The following NME3 variants were observed in gnomAD, a reference collection of about 807,000 sequenced individuals.
NME3 encodes the protein NME/NM23 nucleoside diphosphate kinase 3.
In NME3, 23 loss-of-function variants were observed where a neutral mutation model predicts 15.8. The observed-to-expected ratio is 1.45, with a 90% CI of 1.05 to 2.06. The LOEUF is 2.06. NME3 is among the 30% of genes most tolerant of loss of function. NME3 has a pLI of 0.00. For synonymous variants in NME3, 157 were observed against 104.4 expected, an observed-to-expected ratio of 1.50 and a Z score of -3.07; for missense variants, 354 against 243.2, an observed-to-expected ratio of 1.46 and a Z score of -3.03.
At position 1,771,370 on chromosome 16, in the gene NME3, C is replaced by T. The variant is rs1337799023; in HGVS notation, c.87G>A (p.Lys29=). 1 of 1,575,762 alleles carries T rather than the reference C, an allele frequency of 6.3e-7. No individual in the cohort carries two copies. Among genetic ancestry groups the T allele is most frequent in the Admixed American group, 1.8e-5 (1 of 55,606 alleles). ...GAHERTFLAV[K]PDGVQRRLVG... is the part of the protein sequence containing the mutation. ...CCAGCCGCCGCTGCACGCCGTCCGG[C>T]TTCACGGCCAGGAAGGTGCGTTCGT... Residue 29 remains lysine, a synonymous_variant, in exon 2 of 5, where the codon AAG becomes AAA. Coordinates refer to ENST00000219302, the MANE Select transcript of NME3 (RefSeq NM_002513.3).
In NME3 at chr16:1,770,660, G is replaced by C. The variant is rs756127146; in HGVS notation, c.499C>G (p.Leu167Val). 1 of 1,581,082 alleles carries C rather than the reference G, an allele frequency of 6.3e-7. No homozygotes were observed. Among genetic ancestry groups the C allele is most frequent in the African/African-American group, 1.3e-5 (1 of 74,314 alleles). The change falls in exon 5 of 5, where the codon CTG becomes GTG. Residue 167 changes from leucine (L) to valine (V), a missense_variant. Leu to Val is a conservative substitution (Grantham distance 32). Transcript: ENST00000219302. ...LCWEDSAGHW[L>V]YE ...GCGCATCTGCCGGGCTACTCATACAGCCAGTGCCCAGCGCTGTCCTCCCAG... is the reference window on the plus strand; with the variant it reads ...GCGCATCTGCCGGGCTACTCATACACCCAGTGCCCAGCGCTGTCCTCCCAG...
rs1016897738 is a variant in NME3 at position 1,771,122 on chromosome 16, G to A, written c.227C>T (p.Pro76Leu). ...ATACTTGACAAGGCGGCCGTAGAAC[G>A]GGCGTTCACGCAGCTCGGCGTAGTG... ...REHYAELRER[P>L]FYGRLVKYMA... is the part of the protein sequence containing the mutation. Residue 76 changes from proline (P) to leucine (L), a missense_variant, in exon 3 of 5, where the codon CCG becomes CTG. By Grantham distance (98) the Pro-to-Leu change is moderately conservative. Coordinates refer to ENST00000219302, the MANE Select transcript of NME3 (RefSeq NM_002513.3). 3.1e-6 allele frequency: 5 copies of A among 1,609,458 alleles called. No homozygotes were observed. The highest frequency in any genetic ancestry group is 4.2e-6 in the Non-Finnish European group (5 of 1,179,146).
intron 3 of NME3, 35 bp from the exon 4 acceptor site, chr16:1,771,028 G>C: frequency 3.8e-6 from 6 of 1,595,130 alleles, no homozygotes; most frequent in African/African-American, 2.7e-5. Context: ...TCACGCGGGG[G>C]TGGGGGTCCC....
At position 1,771,305 on chromosome 16, in the gene NME3, T is replaced by C. The variant is rs202165010; in HGVS notation, c.152A>G (p.Lys51Arg). The C allele has an allele frequency of 4.1e-4, 663 of 1,606,122 alleles. 2 individuals carry two copies. The East Asian group carries it at 0.013, about 31-fold the overall frequency. Residue 51 changes from lysine (K) to arginine (R), a missense_variant, in exon 2 of 5, where the codon AAG (lysine) becomes AGG (arginine). By Grantham distance (26) the Lys-to-Arg change is conservative. Transcript: ENST00000219302. ...CTGCACCAGCTTCAGCGCCACCAAC[T>C]TGAAGCCCTTCCTCTCGAAGCGCCG... ...IVRRFERKGF[K>R]LVALKLVQAS...
At position 1,771,328 on chromosome 16, in the gene NME3, C is replaced by T; in HGVS notation, c.129G>A (p.Arg43=). 6.2e-7 allele frequency: 1 copy of T among 1,603,426 alleles called. No homozygotes were observed. The highest frequency in any genetic ancestry group is 8.5e-7 in the Non-Finnish European group (1 of 1,176,444). The part of the protein sequence containing the change: ...VQRRLVGEIV[R]RFERKGFKLV... ...ACTTGAAGCCCTTCCTCTCGAAGCG[C>T]CGCACAATCTCGCCCACCAGCCGCC... is the stretch of plus-strand genomic sequence containing the variant. Residue 43 remains arginine, a synonymous_variant, in exon 2 of 5, where the codon CGG becomes CGA. Coordinates refer to ENST00000219302, the MANE Select transcript of NME3 (RefSeq NM_002513.3).
Position 1,770,470 on chromosome 16 carries a change from C to A in NME3, c.*179G>T, listed in dbSNP as rs1378094994. On this transcript the variant is annotated 3_prime_UTR_variant, in exon 5 of 5. Transcript: ENST00000219302. ...GGAGCAGCTCCTCGGGCAGGAAACC[C>A]TGTACGCCAGGGATTGGAGAGGCCT... The A allele has an allele frequency of 2.0e-6, 1 of 496,704 alleles. No individual in the cohort carries two copies. Among genetic ancestry groups the A allele is most frequent in the East Asian group, 3.3e-5 (1 of 30,042 alleles). 30.8% of individuals were successfully genotyped at this position (496,704 alleles called of 1,614,324 possible).
At chr16:1,771,031 G>A (rs1266586014) in intron 3 of NME3, 38 bp from the exon 4 acceptor site, 2 of 1,594,898 alleles carry the variant, frequency 1.3e-6, no homozygotes, top group Non-Finnish European at 1.7e-6. Flanking sequence ...CGCGGGGGTG[G>A]GGGTCCCGGA....
In NME3 at chr16:1,771,285, CCAGCTT is replaced by C. The variant is rs758443202; in HGVS notation, c.166_171del (p.Lys56_Leu57del). ...CTCGCTCACCGCGCCCCCACCTGCA[CCAGCTT>C]CAGCGCCACCAACTTGAAGCCCTTC... On this transcript the variant is annotated inframe_deletion, in exon 2 of 5. Transcript: ENST00000219302. The C allele has an allele frequency of 7.5e-6, 12 of 1,603,524 alleles. No individual in the cohort carries two copies. The highest frequency in any genetic ancestry group is 6.7e-5 in the Admixed American group (4 of 59,710).
chr16:1,770,647 G>T lies in NME3; in HGVS notation c.*2C>A. ...GAGCCTCTGTGACGCGCATCTGCCG[G>T]GCTACTCATACAGCCAGTGCCCAGC... On this transcript the variant is annotated 3_prime_UTR_variant, in exon 5 of 5. Coordinates refer to ENST00000219302, the MANE Select transcript of NME3 (RefSeq NM_002513.3). The T allele has an allele frequency of 6.4e-7, 1 of 1,572,488 alleles. No homozygotes were observed.
chr16:1,770,845 G>A, intron 4 of NME3, 36 bp downstream of exon 4: 5 of 1,568,602 alleles, frequency 3.2e-6, no homozygotes, highest in Non-Finnish European at 4.3e-6. Flanking sequence ...GGGGGAGGCC[G>A]GACGGGGCTG....
In NME3 at chr16:1,771,501, G is replaced by A. The variant is rs539076231; in HGVS notation, c.34C>T (p.Leu12Phe). 295 of 1,308,320 alleles carry A rather than the reference G, an allele frequency of 2.3e-4. 6 individuals carry two copies. In the South Asian group the frequency reaches 6.8e-3, roughly 30 times the overall value. The allele number at this position is 1,308,320 out of a possible 1,614,324, so 81.0% of individuals were successfully genotyped here. Residue 12 changes from leucine to phenylalanine, a missense_variant, in exon 1 of 5, where the codon CTC becomes TTC. By Grantham distance (22) the Leu-to-Phe change is conservative (BLOSUM62 0). Transcript: ENST00000219302. ...CCGCGCGGCTCACCCGCGGGGAAGA[G>A]GTTAGCGAAGATGGTCAGCACCAGG... ...ICLVLTIFAN[L>F]FPAACTGAHE...
At position 1,770,491 on chromosome 16, in the gene NME3, G is replaced by A; in HGVS notation, c.*158C>T. The A allele has an allele frequency of 3.4e-6, 2 of 585,530 alleles. No homozygotes were observed. The highest frequency in any genetic ancestry group is 5.8e-6 in the Non-Finnish European group (2 of 344,110). 36.3% of individuals were successfully genotyped at this position (585,530 alleles called of 1,614,324 possible). On this transcript the variant is annotated 3_prime_UTR_variant, in exon 5 of 5. Coordinates refer to ENST00000219302, the MANE Select transcript of NME3 (RefSeq NM_002513.3). ...AACCCTGTACGCCAGGGATTGGAGA[G>A]GCCTGCGCCACCCTCCATGCAACGT...
In NME3 at chr16:1,770,727, G is replaced by A. The variant is rs1444309529; in HGVS notation, c.432C>T (p.Arg144=). Residue 144 remains arginine (R), a synonymous_variant, in exon 5 of 5, where the codon CGC becomes CGT. Transcript: ENST00000219302. ...CGCGGAACCAGAGAGCGATCTCGCG[G>A]CGGGCACTCTCCACCGAGTCGCTGC... ...IHGSDSVESA[R]REIALWFRAD... The A allele has an allele frequency of 1.3e-6, 2 of 1,594,710 alleles. No homozygotes were observed.
Position 1,770,550 on chromosome 16 carries a change from G to A in NME3, c.*99C>T, listed in dbSNP as rs2042559353. 4.5e-6 allele frequency: 4 copies of A among 897,666 alleles called. No homozygotes were observed. Among genetic ancestry groups the A allele is most frequent in the Non-Finnish European group, 4.9e-6 (3 of 606,890 alleles). The allele number at this position is 897,666 out of a possible 1,614,324, so 55.6% of individuals were successfully genotyped here. On this transcript the variant is annotated 3_prime_UTR_variant, in exon 5 of 5. Transcript: ENST00000219302. ...GTGGATGTTCAGCAGCCCGTCCAAA[G>A]GGATGCTCCAAGCGCTGTGGGGTGG...
At position 1,771,283 on chromosome 16, in the gene NME3, C is replaced by T. The variant is rs1278029275; in HGVS notation, c.174G>A (p.Val58=). Residue 58 remains valine, a synonymous_variant, in exon 2 of 5, where the codon GTG becomes GTA. Coordinates refer to ENST00000219302, the MANE Select transcript of NME3 (RefSeq NM_002513.3). ...KGFKLVALKL[V]QASEELLREH... is the part of the protein sequence containing the mutation. The stretch of plus-strand genomic sequence containing the variant: ...CGCTCGCTCACCGCGCCCCCACCTG[C>T]ACCAGCTTCAGCGCCACCAACTTGA... The T allele has an allele frequency of 6.2e-7, 1 of 1,602,998 alleles. No homozygotes were observed. The highest frequency in any genetic ancestry group is 1.1e-5 in the South Asian group (1 of 90,136).
rs1228267136 is a variant in NME3, at chr16:1,771,312, C to G, written c.145G>C (p.Gly49Arg). ...GEIVRRFERK[G>R]FKLVALKLVQ... ...AGCTTCAGCGCCACCAACTTGAAGC[C>G]CTTCCTCTCGAAGCGCCGCACAATC... The change falls in exon 2 of 5, where the codon GGC becomes CGC. Residue 49 changes from glycine (G) to arginine (R), a missense_variant. By Grantham distance (125) the Gly-to-Arg change is moderately radical. Coordinates refer to ENST00000219302, the MANE Select transcript of NME3 (RefSeq NM_002513.3). The G allele has an allele frequency of 6.2e-7, 1 of 1,606,428 alleles. No individual in the cohort carries two copies. Among genetic ancestry groups the G allele is most frequent in the Admixed American group, 1.7e-5 (1 of 59,774 alleles).
At position 1,770,626 on chromosome 16, in the gene NME3, C is replaced by T. The variant is rs1596835169; in HGVS notation, c.*23G>A. 1 of 1,544,740 alleles carries T rather than the reference C, an allele frequency of 6.5e-7. No homozygotes were observed. Among genetic ancestry groups the T allele is most frequent in the African/African-American group, 1.4e-5 (1 of 73,860 alleles). ...CTGGAGGAGGCTGGAGTGTGAGAGCCTCTGTGACGCGCATCTGCCGGGCTA... is the reference window on the plus strand; with the variant it reads ...CTGGAGGAGGCTGGAGTGTGAGAGCTTCTGTGACGCGCATCTGCCGGGCTA... On this transcript the variant is annotated 3_prime_UTR_variant, in exon 5 of 5. Transcript: ENST00000219302.
Position 1,770,564 on chromosome 16 carries a change from G to T in NME3, c.*85C>A. ...GCCCGTCCAAAGGGATGCTCCAAGC[G>T]CTGTGGGGTGGGGCCAGAAGCCCGC... On this transcript the variant is annotated 3_prime_UTR_variant, in exon 5 of 5. Coordinates refer to ENST00000219302, the MANE Select transcript of NME3 (RefSeq NM_002513.3). 2.0e-6 allele frequency: 2 copies of T among 1,021,830 alleles called. No individual in the cohort carries two copies. The highest frequency in any genetic ancestry group is 2.8e-6 in the Non-Finnish European group (2 of 709,840). 63.3% of individuals were successfully genotyped at this position (1,021,830 alleles called of 1,614,324 possible).
chr16:1,770,592 A>T lies in NME3; in HGVS notation c.*57T>A. The T allele has an allele frequency of 7.1e-7, 1 of 1,400,390 alleles. No individual in the cohort carries two copies. Among genetic ancestry groups the T allele is most frequent in the South Asian group, 1.3e-5 (1 of 75,594 alleles). 86.7% of individuals were successfully genotyped at this position (1,400,390 alleles called of 1,614,324 possible). On this transcript the variant is annotated 3_prime_UTR_variant, in exon 5 of 5. Transcript: ENST00000219302. ...GTGGGGTGGGGCCAGAAGCCCGCCC[A>T]CCTGGGCCCTGGAGGAGGCTGGAGT...
Sources: allele counts gnomAD v4.1 joint callset, GRCh38; gene constraint gnomAD v4.1.1; transcripts MANE v1.5; gene names NCBI Gene and HGNC (gene_info 2026-07-23, HGNC 2026-07-21).